The following KCNJ16 variants were observed in gnomAD, a reference collection of about 807,000 sequenced individuals.
The protein encoded by KCNJ16 is potassium inwardly rectifying channel subfamily J member 16.
In KCNJ16, 15 loss-of-function variants were observed where a neutral mutation model predicts 18.5. The ratio of observed to expected loss-of-function variants is 0.81; its 90% confidence interval spans 0.54 to 1.25. The LOEUF is 1.25. Ranked by LOEUF, KCNJ16 falls within the 50% of genes most tolerant of loss-of-function variation. The probability of loss-of-function intolerance (pLI) is 0.00; values close to 1 mark genes in which losing one functional copy is unlikely to be tolerated. For synonymous variants in KCNJ16, 174 were observed against 186.5 expected (o/e 0.93, Z 0.55); for missense variants, 523 against 525.7 (o/e 0.99, Z 0.05).
At chr17:70,084,458 G>A (rs1200320361) in intron 1 of KCNJ16, among the ~76,000 whole-genome samples, 1 of 152,068 alleles carries the variant, frequency 6.6e-6, no homozygotes. Context: ...ACACAAACGA[G>A]CTTTGGAAGT....
intron 1 of KCNJ16, among the ~76,000 whole-genome samples, chr17:70,090,250 A>C (rs1419669787): frequency 1.3e-5 from 2 of 152,172 alleles, no homozygotes; most frequent in Non-Finnish European, 2.9e-5. Flanking sequence ...TTTCCCTTTA[A>C]AGAAAATTCT....
intron 2 of KCNJ16, among the ~76,000 whole-genome samples, chr17:70,117,786 G>A (rs1053449807): frequency 6.6e-5 from 10 of 152,146 alleles, no homozygotes; most frequent in African/African-American, 2.4e-4. Flanking sequence ...GGATACAGTG[G>A]TAAATAAGAC....
intron 2 of KCNJ16, among the ~76,000 whole-genome samples, chr17:70,118,884 CA>C (rs2073522634): frequency 6.6e-6 from 1 of 152,086 alleles, no homozygotes; most frequent in African/African-American, 2.4e-5. Context: ...CCCAAATTCC[CA>C]AAAGTCTTAA....
At chr17:70,091,100 C>T (rs2072070992) in intron 1 of KCNJ16, among the ~76,000 whole-genome samples, 1 of 152,096 alleles carries the variant, frequency 6.6e-6, no homozygotes, top group Non-Finnish European at 1.5e-5. Flanking sequence ...TCCATCTAAG[C>T]ATATCTTTCA....
At chr17:70,098,996 T>G (rs1219112527) in intron 1 of KCNJ16, among the ~76,000 whole-genome samples, 1 of 152,200 alleles carries the variant, frequency 6.6e-6, no homozygotes, top group African/African-American at 2.4e-5. Context: ...TGAAGCCTCA[T>G]ATCAGTGACC....
At chr17:70,094,085 TG>T (rs1202574804) in intron 1 of KCNJ16, among the ~76,000 whole-genome samples, 1 of 152,234 alleles carries the variant, frequency 6.6e-6, no homozygotes, top group African/African-American at 2.4e-5. Flanking sequence ...ATTGATGCAA[TG>T]GCTCATGACT....
At chr17:70,107,898 C>T (rs1330693288) in intron 2 of KCNJ16, among the ~76,000 whole-genome samples, 1 of 151,954 alleles carries the variant, frequency 6.6e-6, no homozygotes, top group Non-Finnish European at 1.5e-5. Context: ...AGTTCAACCA[C>T]CTAGCAAACT....
At chr17:70,113,004 A>C (rs1449386157) in intron 2 of KCNJ16, among the ~76,000 whole-genome samples, 1 of 152,072 alleles carries the variant, frequency 6.6e-6, no homozygotes, top group Non-Finnish European at 1.5e-5. Context: ...AACAACCCAG[A>C]ATGTTTTCCT....
chr17:70,126,109 G>A (rs927161848), intron 2 of KCNJ16, among the ~76,000 whole-genome samples: 5 of 152,070 alleles, frequency 3.3e-5, no homozygotes, highest in Admixed American at 6.5e-5. Flanking sequence ...TTTACTACAA[G>A]AGCTTTTGAC....
intron 2 of KCNJ16, among the ~76,000 whole-genome samples, chr17:70,113,132 C>T (rs1315803010): frequency 2.0e-5 from 3 of 152,212 alleles, no homozygotes; most frequent in African/African-American, 4.8e-5. Flanking sequence ...TGATTTCTCA[C>T]TATTTTCCTT....
At chr17:70,090,757 C>CTAACCCACTCACAATACCGG in intron 1 of KCNJ16, among the ~76,000 whole-genome samples, 1 of 152,048 alleles carries the variant, frequency 6.6e-6, no homozygotes, top group South Asian at 2.1e-4. Flanking sequence ...CACAATACCG[C>CTAACCCACTCACAATACCGG]TAACCCACTC....
At chr17:70,084,189 T>G (rs2071688380) in intron 1 of KCNJ16, among the ~76,000 whole-genome samples, 1 of 152,196 alleles carries the variant, frequency 6.6e-6, no homozygotes, top group Admixed American at 6.5e-5. Flanking sequence ...CCACCTTACA[T>G]AAGTCATGCA....
intron 1 of KCNJ16, among the ~76,000 whole-genome samples, chr17:70,093,288 AGT>A (rs1168141595): frequency 3.3e-5 from 5 of 152,186 alleles, no homozygotes; most frequent in Non-Finnish European, 5.9e-5. Flanking sequence ...GCCAAGGTGT[AGT>A]GTTGGGAGGG....
chr17:70,080,319 T>A, intron 1 of KCNJ16, among the ~76,000 whole-genome samples: 1 of 152,216 alleles, frequency 6.6e-6, no homozygotes, highest in East Asian at 1.9e-4. Flanking sequence ...TTTAGAAGTA[T>A]TAATTTCACT....
Position 70,133,326 on chromosome 17 carries a change from T to G in KCNJ16, c.1239T>G (p.Ser413=). 1 of 1,611,734 alleles carries G rather than the reference T, an allele frequency of 6.2e-7. No individual in the cohort carries two copies. Among genetic ancestry groups the G allele is most frequent in the Non-Finnish European group, 8.5e-7 (1 of 1,178,306 alleles). Residue 413 remains serine (S), a synonymous_variant, in exon 4 of 4, where the codon TCT becomes TCG. Coordinates refer to ENST00000392671, the MANE Select transcript of KCNJ16 (RefSeq NM_170741.4). The stretch of plus-strand genomic sequence containing the variant: ...CTCTCCTGACTTTAAACAGAATCTC[T>G]GTAGAATCCCAAATGTAGTCCTAAA... The part of the protein sequence containing the change: ...QKALLTLNRI[S]VESQM
intron 2 of KCNJ16, among the ~76,000 whole-genome samples, chr17:70,107,474 A>G (rs1026153106): frequency 6.6e-6 from 1 of 152,146 alleles, no homozygotes; most frequent in Non-Finnish European, 1.5e-5. Context: ...CATTCTGCTG[A>G]GTTGTATTTT....
At chr17:70,098,139 T>A (rs1019387607) in intron 1 of KCNJ16, among the ~76,000 whole-genome samples, 2 of 152,164 alleles carry the variant, frequency 1.3e-5, no homozygotes, top group South Asian at 2.1e-4. Flanking sequence ...AGTAATAATT[T>A]AAAAAAAATT....
At chr17:70,129,426 G>C (rs2073980359) in intron 2 of KCNJ16, among the ~76,000 whole-genome samples, 1 of 152,196 alleles carries the variant, frequency 6.6e-6, no homozygotes. Context: ...CATCTAGTTA[G>C]TGTGACAAAA....
intron 1 of KCNJ16, among the ~76,000 whole-genome samples, chr17:70,098,536 TA>T (rs374041292): frequency 0.036 from 5,094 of 140,432 alleles, 245 homozygotes; most frequent in African/African-American, 0.11. Context: ...TCCCTTTGAT[TA>T]AAAAAAAAAA....
Sources: allele counts gnomAD v4.1 joint callset (sites outside exome capture counted in the v4.1 genomes callset), GRCh38; gene constraint gnomAD v4.1.1; transcripts MANE v1.5; gene names NCBI Gene and HGNC (gene_info 2026-07-23, HGNC 2026-07-21).